Variants in SGCD observed in about 807,000 individuals in gnomAD.
The protein encoded by SGCD is delta-sarcoglycan.
In SGCD, 18 loss-of-function variants were observed where a neutral mutation model predicts 36.6. The observed-to-expected ratio is 0.49, with a 90% CI of 0.34 to 0.73. The LOEUF (loss-of-function observed/expected upper bound fraction) is 0.73. Among genes scored for constraint, SGCD ranks in the 30% least tolerant of loss-of-function variants. The pLI is 0.01. For synonymous variants in SGCD, 133 were observed against 130.6 expected, an observed-to-expected ratio of 1.02 and a Z score of -0.12; for missense variants, 387 against 346.7, an observed-to-expected ratio of 1.12 and a Z score of -0.92.
At chr5:155,826,642 C>T in the SGCD span, among the ~76,000 whole-genome samples, 1 of 152,306 alleles carries the variant, frequency 6.6e-6, no homozygotes, top group African/African-American at 2.4e-5. Context: ...GGTAGATCTT[C>T]CCTTTCTTTC....
chr5:156,116,898 G>T (rs1243680683), intron 1 of SGCD, among the ~76,000 whole-genome samples: 1 of 152,050 alleles, frequency 6.6e-6, no homozygotes, highest in East Asian at 1.9e-4. Flanking sequence ...AGTCAATTGT[G>T]CTTTGTTAAT....
intron 4 of SGCD, among the ~76,000 whole-genome samples, chr5:156,535,088 G>A (rs1409441468): frequency 1.3e-5 from 2 of 152,130 alleles, no homozygotes; most frequent in African/African-American, 4.8e-5. Flanking sequence ...TTTTCCAGAA[G>A]CCAAAAGCCA....
intron 3 of SGCD, among the ~76,000 whole-genome samples, chr5:156,310,536 C>G (rs926177831): frequency 6.6e-6 from 1 of 152,146 alleles, no homozygotes; most frequent in Non-Finnish European, 1.5e-5. Context: ...CAAAATTAAC[C>G]ACAGTTTACT....
At chr5:156,633,618 C>T (rs1362221232) in intron 6 of SGCD, among the ~76,000 whole-genome samples, 2 of 152,192 alleles carry the variant, frequency 1.3e-5, no homozygotes, top group African/African-American at 4.8e-5. Context: ...AGTATGTTAA[C>T]TCACAAAGTG....
intron 2 of SGCD, among the ~76,000 whole-genome samples, chr5:156,334,366 C>T (rs775256861): frequency 3.3e-5 from 5 of 152,158 alleles, no homozygotes; most frequent in Non-Finnish European, 7.3e-5. Flanking sequence ...ATTAAATCTG[C>T]GATCAGATGT....
intron 1 of SGCD, among the ~76,000 whole-genome samples, chr5:156,089,292 A>G (rs570650881): frequency 1.3e-5 from 2 of 152,324 alleles, no homozygotes; most frequent in Non-Finnish European, 2.9e-5. Flanking sequence ...ATCCCAACTC[A>G]GATTGCCTTC....
At chr5:156,413,327 C>A (rs1158696189) in intron 3 of SGCD, among the ~76,000 whole-genome samples, 2 of 152,134 alleles carry the variant, frequency 1.3e-5, no homozygotes, top group African/African-American at 4.8e-5. Flanking sequence ...AAGAAGATAG[C>A]CTACCACATA....
chr5:156,269,188 C>T (rs554648402), intron 3 of SGCD, among the ~76,000 whole-genome samples: 20 of 151,872 alleles, frequency 1.3e-4, no homozygotes, highest in Non-Finnish European at 2.9e-4. Flanking sequence ...CAGATCTCTA[C>T]TGGGCGCACG....
At chr5:156,714,398 C>A (rs1755130979) in intron 7 of SGCD, among the ~76,000 whole-genome samples, 1 of 152,116 alleles carries the variant, frequency 6.6e-6, no homozygotes, top group Non-Finnish European at 1.5e-5. Flanking sequence ...TGACATGTGC[C>A]TTATAGAGAA....
intron 6 of SGCD, among the ~76,000 whole-genome samples, chr5:156,635,678 C>A (rs569984806): frequency 7.7e-4 from 117 of 152,138 alleles, no homozygotes; most frequent in Middle Eastern, 3.4e-3. Flanking sequence ...AATGTGGCAC[C>A]TATACACCAT....
At chr5:156,266,072 T>C (rs1323677470) in intron 3 of SGCD, among the ~76,000 whole-genome samples, 1 of 152,224 alleles carries the variant, frequency 6.6e-6, no homozygotes, top group Non-Finnish European at 1.5e-5. Flanking sequence ...CAACTGAATG[T>C]TAGTGTTTGA....
the SGCD span, among the ~76,000 whole-genome samples, chr5:155,781,934 G>A: frequency 6.6e-6 from 1 of 152,208 alleles, no homozygotes. Context: ...CTTGAAACAG[G>A]GGTCTTATGG....
At chr5:156,550,252 A>G (rs1306301033) in intron 4 of SGCD, among the ~76,000 whole-genome samples, 2 of 152,210 alleles carry the variant, frequency 1.3e-5, no homozygotes, top group Non-Finnish European at 2.9e-5. Flanking sequence ...TGGTCAGGGC[A>G]TTGGGGTAGG....
chr5:155,949,471 A>G (rs1279656347), intron 1 of SGCD, among the ~76,000 whole-genome samples: 1 of 152,196 alleles, frequency 6.6e-6, no homozygotes, highest in African/African-American at 2.4e-5. Flanking sequence ...CCTATGAGAC[A>G]ACGAGGTTTC....
At chr5:156,514,412 G>T (rs928222700) in intron 4 of SGCD, among the ~76,000 whole-genome samples, 1 of 152,192 alleles carries the variant, frequency 6.6e-6, no homozygotes, top group Admixed American at 6.5e-5. Context: ...TTGAGGGTGG[G>T]TATAGGGCTC....
At chr5:156,406,757 G>T (rs1354993963) in intron 3 of SGCD, among the ~76,000 whole-genome samples, 2 of 129,346 alleles carry the variant, frequency 1.5e-5, no homozygotes, top group Non-Finnish European at 3.2e-5. Context: ...GCTGTATTAG[G>T]GTTTTCTAGA....
the SGCD span, among the ~76,000 whole-genome samples, chr5:155,762,837 C>A: frequency 6.6e-6 from 1 of 152,114 alleles, no homozygotes; most frequent in Non-Finnish European, 1.5e-5. Flanking sequence ...TTCCTTATTT[C>A]TTGTGTTTCT....
At chr5:156,470,074 G>A (rs1754887885) in intron 3 of SGCD, among the ~76,000 whole-genome samples, 1 of 152,164 alleles carries the variant, frequency 6.6e-6, no homozygotes, top group South Asian at 2.1e-4. Flanking sequence ...TGCCAGGCTA[G>A]GTTGCTAAGG....
At chr5:156,357,868 T>C (rs766731847) in intron 3 of SGCD, among the ~76,000 whole-genome samples, 3 of 152,212 alleles carry the variant, frequency 2.0e-5, no homozygotes, top group African/African-American at 4.8e-5. Flanking sequence ...ATATGTACTA[T>C]GGTCAACCCC....
Sources: allele counts gnomAD v4.1 joint callset (sites outside exome capture counted in the v4.1 genomes callset), GRCh38; gene constraint gnomAD v4.1.1; transcripts MANE v1.5; gene names NCBI Gene and HGNC (gene_info 2026-07-23, HGNC 2026-07-21).